The following TPD52L2 variants were observed in gnomAD, a reference collection of about 807,000 sequenced individuals.
TPD52L2 encodes tumor protein D54.
A neutral mutation model predicts 24.7 loss-of-function variants in TPD52L2; 19 were observed. The observed-to-expected ratio is 0.77, with a 90% CI of 0.54 to 1.13. TPD52L2 has a LOEUF of 1.13. TPD52L2 is among the 50% of genes most tolerant of loss of function. The probability of loss-of-function intolerance (pLI) is 0.00; values close to 1 mark genes in which losing one functional copy is unlikely to be tolerated. For synonymous variants in TPD52L2, 104 were observed against 100.2 expected, an observed-to-expected ratio of 1.04 and a Z score of -0.23; for missense variants, 236 against 250.4, an observed-to-expected ratio of 0.94 and a Z score of 0.39.
chr20:63,873,794 C>A lies in TPD52L2; in HGVS notation c.292C>A (p.His98Asn). The A allele has an allele frequency of 6.3e-7, 1 of 1,575,034 alleles. No homozygotes were observed. Residue 98 changes from histidine (H) to asparagine (N), a missense_variant, in exon 3 of 7, where the codon CAT becomes AAT. Coordinates refer to ENST00000346249, the MANE Select transcript of TPD52L2 (RefSeq NM_003288.4). The stretch of plus-strand genomic sequence containing the variant: ...GAAACAGAACCTGTCCAGGAGCTGG[C>A]ATGACGTGCAGGTCTCTAGCGCGTA... ...ELKQNLSRSWHDVQVSSAYVK... is the reference protein window; with the variant it reads ...ELKQNLSRSWNDVQVSSAYVK...
intron 2 of TPD52L2, 101 bp from the exon 3 acceptor site, chr20:63,873,567 G>A (rs2052547278): frequency 4.4e-6 from 6 of 1,358,518 alleles, no homozygotes; most frequent in Non-Finnish European, 2.0e-6. Context: ...TAATGCTTTG[G>A]TAAGCGGAAA....
At chr20:63,888,505 C>A (rs2053214691) in intron 5 of TPD52L2, 1 of 136,878 alleles carries the variant, frequency 7.3e-6, no homozygotes, top group Non-Finnish European at 1.6e-5. Flanking sequence ...CAGAGAGGGG[C>A]CGACAGCCCC....
chr20:63,865,876 C>T (rs1413962273), intron 1 of TPD52L2, among the ~76,000 whole-genome samples: 1 of 152,198 alleles, frequency 6.6e-6, no homozygotes. Context: ...AGCAACTCTG[C>T]TCGGAGCTCA....
Position 63,889,876 on chromosome 20 carries a change from C to T in TPD52L2, c.552C>T (p.Asn184=), listed in dbSNP as rs760830329. 1.4e-5 allele frequency: 23 copies of T among 1,614,052 alleles called. No homozygotes were observed. The highest frequency in any genetic ancestry group is 4.0e-5 in the African/African-American group (3 of 74,934). Residue 184 remains asparagine, a synonymous_variant, in exon 7 of 7, where the codon AAC becomes AAT. Coordinates refer to ENST00000346249, the MANE Select transcript of TPD52L2 (RefSeq NM_003288.4). The part of the protein sequence containing the change: ...IKSKVVGDRE[N]GSDNLPSSAG... ...CTAAGGTTGTGGGTGACAGAGAGAA[C>T]GGCAGTGACAACCTCCCTTCCTCAG...
At chr20:63,871,641 T>TC (rs1431959768) in intron 2 of TPD52L2, among the ~76,000 whole-genome samples, 2 of 150,688 alleles carry the variant, frequency 1.3e-5, no homozygotes, top group African/African-American at 4.9e-5. Context: ...AGAAAGAGTT[T>TC]TTTTTTTTTT....
At chr20:63,874,227 TTTGTGTG>T (rs766824950) in intron 3 of TPD52L2, among the ~76,000 whole-genome samples, 3 of 139,628 alleles carry the variant, frequency 2.1e-5, no homozygotes, top group African/African-American at 5.4e-5. Flanking sequence ...GATTTTTTTT[TTTGTGTG>T]TGTGTGTGTG....
intron 3 of TPD52L2, 126 bp downstream of exon 3, chr20:63,873,942 T>C: frequency 8.8e-7 from 1 of 1,138,448 alleles, no homozygotes; most frequent in Non-Finnish European, 1.2e-6. Flanking sequence ...GTGGCCTGTT[T>C]GGAAGGATCC....
At chr20:63,882,574 T>G (rs1307750504) in intron 4 of TPD52L2, 145 bp from the exon 5 acceptor site, 2 of 690,504 alleles carry the variant, frequency 2.9e-6, no homozygotes, top group Non-Finnish European at 5.1e-6. Context: ...CTGCACCCCC[T>G]CTGTAGACAC....
At chr20:63,870,533 T>G (rs1047390476) in intron 2 of TPD52L2, among the ~76,000 whole-genome samples, 7 of 139,590 alleles carry the variant, frequency 5.0e-5, no homozygotes, top group Non-Finnish European at 6.3e-5. Flanking sequence ...TTTTTTTTTT[T>G]TTTTTTTTTT....
chr20:63,887,290 G>A, intron 5 of TPD52L2: 2 of 577,288 alleles, frequency 3.5e-6, no homozygotes, highest in Non-Finnish European at 6.2e-6. Context: ...CTTTTCAAAA[G>A]CCCAAGCCTG....
intron 3 of TPD52L2, among the ~76,000 whole-genome samples, chr20:63,874,224 T>G (rs1480847888): frequency 9.4e-4 from 130 of 138,896 alleles, no homozygotes; most frequent in African/African-American, 2.9e-3. Context: ...GCTGATTTTT[T>G]TTTTTGTGTG....
At chr20:63,868,979 C>T (rs770851728) in intron 1 of TPD52L2, among the ~76,000 whole-genome samples, 68 of 152,268 alleles carry the variant, frequency 4.5e-4, no homozygotes, top group Non-Finnish European at 7.8e-4. Flanking sequence ...GAGCTGCTTT[C>T]TCTGTAGCAA....
intron 5 of TPD52L2, among the ~76,000 whole-genome samples, chr20:63,883,621 C>G (rs1342732342): frequency 6.6e-6 from 1 of 152,076 alleles, no homozygotes; most frequent in African/African-American, 2.4e-5. Context: ...GACCCCTTTC[C>G]CATTCTCAGA....
At chr20:63,869,213 CT>C in intron 1 of TPD52L2, 82 bp from the exon 2 acceptor site, 2 of 1,544,460 alleles carry the variant, frequency 1.3e-6, no homozygotes, top group Non-Finnish European at 1.8e-6. Flanking sequence ...CCCACCTGTG[CT>C]TTTGTCCTGC....
At chr20:63,869,150 G>C in intron 1 of TPD52L2, 146 bp from the exon 2 acceptor site, 6 of 887,604 alleles carry the variant, frequency 6.8e-6, no homozygotes, top group Non-Finnish European at 7.2e-6. Flanking sequence ...TGCCCATGCT[G>C]TCCTCACAGA....
rs73151741 is a variant in TPD52L2, at chr20:63,884,666, G to A, written c.476+1846G>A. On this transcript the variant is annotated intron_variant, in intron 5 of 6. Transcript: ENST00000346249. ...CAGTCCTGGGGTTGGCAGCTGACCC[G>A]TGTCGTGTAGCCTCAGGGCATGGCT... Among the ~76,000 whole-genome samples, 639 of 152,216 alleles carry A rather than the reference G, an allele frequency of 4.2e-3. 3 individuals carry two copies. Among genetic ancestry groups the A allele is most frequent in the Non-Finnish European group, 6.6e-3 (448 of 68,028 alleles).
intron 5 of TPD52L2, 139 bp downstream of exon 5, chr20:63,882,959 G>T: frequency 1.5e-6 from 1 of 661,764 alleles, no homozygotes. Context: ...TCATGGCCCC[G>T]ACCAGTCTGT....
rs2053281172 is a variant in TPD52L2, at chr20:63,890,216, G to T, written c.*271G>T. ...GTGCAGGAAGTGGACAGGGCGGAGGGTTTGAAAGAATATTGAGCCAAAGCC... is the reference window on the plus strand; with the variant it reads ...GTGCAGGAAGTGGACAGGGCGGAGGTTTTGAAAGAATATTGAGCCAAAGCC... On this transcript the variant is annotated 3_prime_UTR_variant, in exon 7 of 7. Transcript: ENST00000346249. 3.0e-6 allele frequency: 2 copies of T among 668,148 alleles called. No individual in the cohort carries two copies. 41.4% of individuals were successfully genotyped at this position (668,148 alleles called of 1,614,324 possible). A position where few individuals can be genotyped will look rare whatever the true frequency, so the allele number is the denominator to read the frequency against.
In TPD52L2 at chr20:63,890,114, A is replaced by G. The variant is rs1258076372; in HGVS notation, c.*169A>G. ...GGCTGCCGCGTTTGCATGAATTTGA[A>G]GAACACAGGCTTGTACACAGATGTT... On this transcript the variant is annotated 3_prime_UTR_variant, in exon 7 of 7. Transcript: ENST00000346249. 2.1e-6 allele frequency: 3 copies of G among 1,427,418 alleles called. No homozygotes were observed. Among genetic ancestry groups the G allele is most frequent in the Non-Finnish European group, 2.8e-6 (3 of 1,065,808 alleles). 88.4% of individuals were successfully genotyped at this position (1,427,418 alleles called of 1,614,324 possible).
Sources: allele counts gnomAD v4.1 joint callset (sites outside exome capture counted in the v4.1 genomes callset), GRCh38; gene constraint gnomAD v4.1.1; transcripts MANE v1.5; gene names NCBI Gene and HGNC (gene_info 2026-07-23, HGNC 2026-07-21).